The following PRKCE variants were observed in gnomAD, a reference collection of about 807,000 sequenced individuals.
PRKCE encodes protein kinase C epsilon.
Under a neutral mutation model 85.4 loss-of-function variants are expected in PRKCE, and 16 were observed. That is an observed-to-expected ratio of 0.19 (90% CI 0.13 to 0.28). The LOEUF (loss-of-function observed/expected upper bound fraction) is 0.28. Among genes scored for constraint, PRKCE ranks in the 10% least tolerant of loss-of-function variants. The pLI is 1.00. For missense variants in PRKCE, 573 were observed against 975.2 expected (o/e 0.59, Z 5.49); for synonymous variants, 388 against 371.5 (o/e 1.04, Z -0.51).
intron 1 of PRKCE, among the ~76,000 whole-genome samples, chr2:45,658,172 T>G (rs1675468055): frequency 6.6e-6 from 1 of 152,184 alleles, no homozygotes; most frequent in Non-Finnish European, 1.5e-5. Flanking sequence ...GCCTATACCC[T>G]GAATTATTTC....
chr2:46,088,924 C>T (rs1168458093), intron 11 of PRKCE, among the ~76,000 whole-genome samples: 2 of 152,192 alleles, frequency 1.3e-5, no homozygotes, highest in Non-Finnish European at 2.9e-5. Flanking sequence ...CACACCATGA[C>T]ACTTGGTACC....
chr2:45,794,729 G>C (rs1687285242), intron 1 of PRKCE, among the ~76,000 whole-genome samples: 1 of 152,018 alleles, frequency 6.6e-6, no homozygotes, highest in Non-Finnish European at 1.5e-5. Flanking sequence ...CCCAAGGTTG[G>C]ACTGTTCGAA....
At chr2:45,744,098 T>A (rs34864443) in intron 1 of PRKCE, among the ~76,000 whole-genome samples, 58,809 of 151,564 alleles carry the variant, frequency 0.39, 12,940 homozygotes, top group East Asian at 0.58. Flanking sequence ...GCTGAGTAAC[T>A]TTGTCTTTCT....
intron 1 of PRKCE, among the ~76,000 whole-genome samples, chr2:45,818,798 G>A (rs890465503): frequency 3.9e-5 from 6 of 152,176 alleles, no homozygotes; most frequent in Admixed American, 3.9e-4. Flanking sequence ...CACCATGGCT[G>A]TTTCCAAAAC....
At chr2:45,715,183 C>T (rs1679986035) in intron 1 of PRKCE, among the ~76,000 whole-genome samples, 3 of 152,244 alleles carry the variant, frequency 2.0e-5, no homozygotes, top group South Asian at 2.1e-4. Context: ...GTGTGCATGA[C>T]GCTGTGCAGC....
chr2:45,691,307 T>A (rs1572956199), intron 1 of PRKCE, among the ~76,000 whole-genome samples: 1 of 152,178 alleles, frequency 6.6e-6, no homozygotes, highest in Non-Finnish European at 1.5e-5. Flanking sequence ...CTGTTGCTGG[T>A]CTGCAGTGTC....
intron 10 of PRKCE, among the ~76,000 whole-genome samples, chr2:46,075,119 C>A (rs1198610758): frequency 2.0e-5 from 3 of 152,168 alleles, no homozygotes; most frequent in Non-Finnish European, 4.4e-5. Context: ...CGGCTCACTG[C>A]AAGCTCCGCC....
At chr2:45,658,505 G>T (rs1269416909) in intron 1 of PRKCE, among the ~76,000 whole-genome samples, 1 of 152,188 alleles carries the variant, frequency 6.6e-6, no homozygotes, top group Non-Finnish European at 1.5e-5. Context: ...GATTCAGTGA[G>T]TTCTAACTGG....
intron 11 of PRKCE, among the ~76,000 whole-genome samples, chr2:46,097,059 T>A (rs1384284612): frequency 6.6e-6 from 1 of 152,208 alleles, no homozygotes; most frequent in African/African-American, 2.4e-5. Flanking sequence ...GGTGGATATG[T>A]GAGTCTGTGT....
intron 1 of PRKCE, among the ~76,000 whole-genome samples, chr2:45,790,708 T>G (rs1686967309): frequency 6.6e-6 from 1 of 152,228 alleles, no homozygotes; most frequent in African/African-American, 2.4e-5. Flanking sequence ...TTCATCTTCT[T>G]CAGATTTTGA....
intron 2 of PRKCE, among the ~76,000 whole-genome samples, chr2:45,879,896 T>C (rs776629781): frequency 6.6e-6 from 1 of 152,244 alleles, no homozygotes; most frequent in Non-Finnish European, 1.5e-5. Flanking sequence ...TTAAATATCC[T>C]CCTCCTACCT....
chr2:45,946,021 C>T (rs1264782546), intron 2 of PRKCE, among the ~76,000 whole-genome samples: 1 of 152,230 alleles, frequency 6.6e-6, no homozygotes, highest in East Asian at 1.9e-4. Context: ...GTTTTGTGTT[C>T]ATTAATGACT....
intron 10 of PRKCE, among the ~76,000 whole-genome samples, chr2:46,025,978 A>G (rs1055407372): frequency 6.6e-6 from 1 of 152,216 alleles, no homozygotes; most frequent in Admixed American, 6.5e-5. Context: ...GGTAGACGCC[A>G]TAGGCAGAAG....
At chr2:46,091,132 GGGGTGGGGGAAGCAGGGGGAGGGCT>G (rs1307485355) in intron 11 of PRKCE, among the ~76,000 whole-genome samples, 1 of 152,034 alleles carries the variant, frequency 6.6e-6, no homozygotes, top group Non-Finnish European at 1.5e-5. Context: ...TGCTGGACAC[GGGGTGGGGGAAGCAGGGGGAGGGCT>G]GGGTGGGGGT....
intron 2 of PRKCE, among the ~76,000 whole-genome samples, chr2:45,855,483 A>G (rs988778179): frequency 3.3e-5 from 5 of 152,234 alleles, no homozygotes; most frequent in African/African-American, 1.2e-4. Context: ...TTTAGAAGTG[A>G]AAAAGTCTGT....
chr2:45,795,342 CT>C (rs1687350940), intron 1 of PRKCE, among the ~76,000 whole-genome samples: 1 of 152,104 alleles, frequency 6.6e-6, no homozygotes, highest in South Asian at 2.1e-4. Context: ...GAGTGTTGCT[CT>C]TGTCACCCAG....
chr2:45,993,528 C>CT (rs1176377731), intron 6 of PRKCE, among the ~76,000 whole-genome samples: 2 of 152,184 alleles, frequency 1.3e-5, no homozygotes, highest in Non-Finnish European at 2.9e-5. Context: ...AAGATACCCC[C>CT]TTTGCCGACC....
intron 1 of PRKCE, among the ~76,000 whole-genome samples, chr2:45,715,194 G>A (rs539241219): frequency 4.6e-5 from 7 of 152,334 alleles, no homozygotes; most frequent in Non-Finnish European, 5.9e-5. Flanking sequence ...GCTGTGCAGC[G>A]CACCGCAGGA....
At chr2:46,125,400 C>G (rs115756312) in intron 11 of PRKCE, among the ~76,000 whole-genome samples, 825 of 152,266 alleles carry the variant, frequency 5.4e-3, no homozygotes, top group Non-Finnish European at 9.4e-3. Flanking sequence ...GTAACAGTGA[C>G]TGGATTTAAA....
Sources: gnomAD v4.1 joint callset for allele counts (sites outside exome capture counted in the v4.1 genomes callset) on GRCh38, gnomAD v4.1.1 for gene constraint, MANE v1.5 for transcripts, NCBI Gene and HGNC (gene_info 2026-07-23, HGNC 2026-07-21) for gene names.